The following SREK1 variants were observed in gnomAD, a reference collection of about 807,000 sequenced individuals.
SREK1 encodes splicing regulatory glutamic acid and lysine rich protein 1.
In SREK1, 13 loss-of-function variants were observed where a neutral mutation model predicts 66.5. The observed-to-expected ratio is 0.20, with a 90% confidence interval of 0.13 to 0.31. The LOEUF (loss-of-function observed/expected upper bound fraction) is 0.31. Ranked by LOEUF, SREK1 falls within the 10% of genes least tolerant of loss-of-function variation. The pLI, the probability that SREK1 is intolerant of heterozygous loss-of-function variation, is 1.00. For synonymous variants in SREK1, 265 were observed against 263.5 expected, an observed-to-expected ratio of 1.01 and a Z score of -0.05; for missense variants, 607 against 769.6, an observed-to-expected ratio of 0.79 and a Z score of 2.50.
intron 2 of SREK1, chr5:66,158,822 A>C: frequency 5.4e-6 from 7 of 1,290,456 alleles, no homozygotes; most frequent in Non-Finnish European, 7.1e-6. Flanking sequence ...TGCAGCCAAC[A>C]CGAACGGTTG....
chr5:66,170,351 T>C (rs1036617328), intron 8 of SREK1, among the ~76,000 whole-genome samples, 181 bp downstream of exon 8: 3 of 152,226 alleles, frequency 2.0e-5, no homozygotes, highest in African/African-American at 7.2e-5. Flanking sequence ...GCCAGTGATC[T>C]GAATCTGATG....
intron 7 of SREK1, chr5:66,167,663 C>T (rs1481290047): frequency 6.6e-6 from 1 of 152,172 alleles, no homozygotes; most frequent in Non-Finnish European, 1.5e-5. Context: ...TAGTCACTGT[C>T]TTTTGACATC....
chr5:66,162,794 T>G (rs1201804377), intron 5 of SREK1: 1 of 493,506 alleles, frequency 2.0e-6, no homozygotes, highest in East Asian at 3.4e-5. Context: ...TATTTTCTCA[T>G]TTTCTGTTTT....
chr5:66,153,625 T>G (rs1416225908), intron 2 of SREK1, 29 bp downstream of exon 2: 3 of 1,613,850 alleles, frequency 1.9e-6, no homozygotes, highest in Non-Finnish European at 8.5e-7. Flanking sequence ...TTCCTCTTAT[T>G]TGAATTTCTG....
At chr5:66,159,466 C>T (rs1744555975) in intron 3 of SREK1, 132 bp downstream of exon 3, 5 of 703,452 alleles carry the variant, frequency 7.1e-6, no homozygotes, top group Non-Finnish European at 1.0e-5. Context: ...TTCGAAATCA[C>T]TGCTTAAACT....
Position 66,170,733 on chromosome 5 carries a change from G to A in SREK1, c.1270G>A (p.Asp424Asn). 6.2e-7 allele frequency: 1 copy of A among 1,601,590 alleles called. No homozygotes were observed. Among genetic ancestry groups the A allele is most frequent in the Non-Finnish European group, 8.5e-7 (1 of 1,173,438 alleles). Reference sequence around the variant, plus strand: ...AGACCGGGACAAGGAACGGGAAAAGGACCGGGAAAAAGACAAGGAAAAGGA... The same window carrying A: ...AGACCGGGACAAGGAACGGGAAAAGAACCGGGAAAAAGACAAGGAAAAGGA... ...NKDRDKEREK[D>N]REKDKEKDRE... is the part of the protein sequence containing the mutation. Residue 424 changes from aspartate (D) to asparagine (N), a missense_variant, in exon 9 of 12, where the codon GAC becomes AAC. By Grantham distance (23) the Asp-to-Asn change is conservative. Coordinates refer to ENST00000334121, the MANE Select transcript of SREK1 (RefSeq NM_001077199.3).
intron 2 of SREK1, chr5:66,157,911 T>C (rs1253501462): frequency 5.4e-6 from 1 of 186,594 alleles, no homozygotes; most frequent in Non-Finnish European, 1.0e-5. Context: ...TCTCTGCACA[T>C]GTGGTTGTTT....
At chr5:66,169,930 A>C (rs1745489409) in intron 7 of SREK1, 121 bp from the exon 8 acceptor site, 1 of 703,462 alleles carries the variant, frequency 1.4e-6, no homozygotes, top group Non-Finnish European at 2.1e-6. Flanking sequence ...TTATGTAACT[A>C]AAGTATTATT....
In SREK1 at chr5:66,170,123, C is replaced by T. The variant is rs571795322; in HGVS notation, c.1074C>T (p.Arg358=). 6.2e-7 allele frequency: 1 copy of T among 1,612,976 alleles called. No individual in the cohort carries two copies. The highest frequency in any genetic ancestry group is 1.3e-5 in the African/African-American group (1 of 74,962). ...GATCTAAGAGCCCACATAAAAAACG[C>T]TCTAAATCAAGGGAGAGACGGAAGT... ...RRRSKSPHKK[R]SKSRERRKSR... is the part of the protein sequence containing the mutation. Residue 358 remains arginine, a synonymous_variant, in exon 8 of 12, where the codon CGC becomes CGT. Transcript: ENST00000334121.
intron 2 of SREK1, 186 bp downstream of exon 2, chr5:66,153,782 A>C: frequency 1.6e-6 from 1 of 627,562 alleles, no homozygotes; most frequent in Admixed American, 4.0e-5. Flanking sequence ...TGACATGTAC[A>C]TTTGAGGTTT....
intron 9 of SREK1, 82 bp from the exon 10 acceptor site, chr5:66,174,864 A>G (rs2112099285): frequency 7.8e-7 from 1 of 1,285,012 alleles, no homozygotes; most frequent in Non-Finnish European, 1.1e-6. Flanking sequence ...TGAGAATATC[A>G]AGGACCCTTT....
chr5:66,170,196 A>T, intron 8 of SREK1, 26 bp downstream of exon 8: 8 of 1,590,112 alleles, frequency 5.0e-6, no homozygotes, highest in Non-Finnish European at 6.8e-6. Flanking sequence ...ATTAACAATA[A>T]TTTTTTTTTC....
At chr5:66,174,143 T>A (rs1426868342) in intron 9 of SREK1, among the ~76,000 whole-genome samples, 1 of 139,638 alleles carries the variant, frequency 7.2e-6, no homozygotes, top group African/African-American at 2.8e-5. Flanking sequence ...TCATTGGGTA[T>A]GTCCTCGTAC....
intron 1 of SREK1, among the ~76,000 whole-genome samples, chr5:66,151,909 A>G (rs1561494706): frequency 1.5e-5 from 2 of 134,326 alleles, no homozygotes; most frequent in Admixed American, 1.8e-4. Flanking sequence ...GCAGTGGCGC[A>G]ATCTCGGCTC....
intron 2 of SREK1, among the ~76,000 whole-genome samples, chr5:66,154,931 T>TG (rs1275181711): frequency 6.6e-6 from 1 of 152,154 alleles, no homozygotes; most frequent in African/African-American, 2.4e-5. Flanking sequence ...AGAAACTGCA[T>TG]GGGAAAAAAG....
At chr5:66,154,004 A>G (rs964667882) in intron 2 of SREK1, among the ~76,000 whole-genome samples, 1 of 152,218 alleles carries the variant, frequency 6.6e-6, no homozygotes, top group South Asian at 2.1e-4. Flanking sequence ...AGTGATATTT[A>G]TAAGAAAATA....
rs569707738 is a variant in SREK1 at position 66,170,803 on chromosome 5, A to G, written c.1340A>G (p.Lys447Arg). ...AAAGAGCATGAGAAGGATCGAGACA[A>G]AGAGAAGGAAAAGGAACAGGACAAA... is the stretch of plus-strand genomic sequence containing the variant. ...REKEHEKDRD[K>R]EKEKEQDKEK... Residue 447 changes from lysine (K) to arginine (R), a missense_variant, in exon 9 of 12, where the codon AAA (lysine) becomes AGA (arginine). This residue lies in a region of SREK1 where 318 missense variants were observed against 310.3 expected (regional missense o/e 1.02). Coordinates refer to ENST00000334121, the MANE Select transcript of SREK1 (RefSeq NM_001077199.3). 6.2e-7 allele frequency: 1 copy of G among 1,611,858 alleles called. No individual in the cohort carries two copies. The highest frequency in any genetic ancestry group is 1.3e-5 in the African/African-American group (1 of 74,986).
At chr5:66,171,498 A>C (rs1745643066) in intron 9 of SREK1, among the ~76,000 whole-genome samples, 1 of 152,198 alleles carries the variant, frequency 6.6e-6, no homozygotes. Flanking sequence ...ACCAGGTGGC[A>C]GCAAGTTGCC....
intron 6 of SREK1, 175 bp downstream of exon 6, chr5:66,164,097 A>G: frequency 1.4e-6 from 1 of 729,988 alleles, no homozygotes; most frequent in East Asian, 3.0e-5. Flanking sequence ...CCCATATTTT[A>G]TCTCTTTCTG....
Sources: allele counts gnomAD v4.1 joint callset (sites outside exome capture counted in the v4.1 genomes callset), GRCh38; gene constraint gnomAD v4.1.1; regional missense constraint gnomAD v4.1.1; transcripts MANE v1.5; gene names NCBI Gene and HGNC (gene_info 2026-07-23, HGNC 2026-07-21).